ROR1: variants seen among roughly 807,000 people sequenced by gnomAD.
The protein encoded by ROR1 is ROR family WNT receptor 1.
In ROR1, 19 loss-of-function variants were observed where a neutral mutation model predicts 78.8. That is an observed-to-expected ratio of 0.24 (90% CI 0.17 to 0.35). The LOEUF (loss-of-function observed/expected upper bound fraction) is 0.35, where lower values mean the gene tolerates loss of function less well. Ranked by LOEUF, ROR1 falls within the 10% of genes least tolerant of loss-of-function variation. The pLI is 1.00. For missense variants in ROR1, 917 were observed against 1,177.8 expected (o/e 0.78, Z 3.24); for synonymous variants, 386 against 433.6 (o/e 0.89, Z 1.36).
At chr1:63,862,339 A>G (rs1164831826) in intron 1 of ROR1, among the ~76,000 whole-genome samples, 1 of 143,294 alleles carries the variant, frequency 7.0e-6, no homozygotes, top group East Asian at 2.1e-4. Flanking sequence ...GGTTGCAGTG[A>G]GCCAAGATCA....
intron 2 of ROR1, among the ~76,000 whole-genome samples, chr1:64,015,426 C>G (rs1646512775): frequency 1.3e-5 from 2 of 152,190 alleles, no homozygotes; most frequent in South Asian, 4.1e-4. Context: ...CCTGCCTCTT[C>G]CCTCGAAGCT....
rs776679005 is a variant in ROR1, at chr1:64,180,945, T to G, written c.*2090T>G. On this transcript the variant is annotated 3_prime_UTR_variant, in exon 9 of 9. Transcript: ENST00000371079. Reference sequence around the variant, plus strand: ...AAACATTTTATAATAACTGAAAACATTAAAGTGAGCAAATGAAATTTCAAA... The same window carrying G: ...AAACATTTTATAATAACTGAAAACAGTAAAGTGAGCAAATGAAATTTCAAA... 6.6e-6 allele frequency: 1 copy of G among 152,242 alleles called. No homozygotes were observed. Among genetic ancestry groups the G allele is most frequent in the Non-Finnish European group, 1.5e-5 (1 of 67,946 alleles). 9.4% of individuals were successfully genotyped at this position (152,242 alleles called of 1,614,324 possible). A position where few individuals can be genotyped will look rare whatever the true frequency, so the allele number is the denominator to read the frequency against.
At position 63,796,424 on chromosome 1, in the gene ROR1, G is replaced by A. The variant is rs570467341; in HGVS notation, c.91+21916G>A. Among the ~76,000 whole-genome samples, 5 of 152,194 alleles carry A rather than the reference G, an allele frequency of 3.3e-5. No individual in the cohort carries two copies. In the East Asian group the frequency reaches 9.6e-4, roughly 29 times the overall value. On this transcript the variant is annotated intron_variant, in intron 1 of 8. Coordinates refer to ENST00000371079, the MANE Select transcript of ROR1 (RefSeq NM_005012.4). ...CCTCTCCAGAACTACTGGATCAGAA[G>A]CTGCATTTTAACATGATCCCAGGTG...
At chr1:64,026,690 G>A (rs533792751) in intron 2 of ROR1, among the ~76,000 whole-genome samples, 6 of 152,280 alleles carry the variant, frequency 3.9e-5, no homozygotes, top group African/African-American at 1.4e-4. Context: ...GGGGAAGCAG[G>A]CATGTCTTAC....
chr1:63,920,832 G>A (rs1287857398), intron 1 of ROR1, among the ~76,000 whole-genome samples: 1 of 152,162 alleles, frequency 6.6e-6, no homozygotes, highest in Non-Finnish European at 1.5e-5. Context: ...AAGGTGGCCC[G>A]TGTTACACAT....
intron 2 of ROR1, among the ~76,000 whole-genome samples, chr1:64,019,621 A>G (rs1326839828): frequency 1.3e-5 from 2 of 152,218 alleles, no homozygotes; most frequent in Admixed American, 6.5e-5. Context: ...ATGAAATAAT[A>G]CCAATTATTA....
Position 63,979,474 on chromosome 1 carries a change from G to A in ROR1, c.92-29831G>A, listed in dbSNP as rs1377080660. 2.0e-5 allele frequency among the ~76,000 whole-genome samples: 3 copies of A among 152,280 alleles called. No homozygotes were observed. The East Asian group carries it at 5.8e-4, about 29-fold the overall frequency. On this transcript the variant is annotated intron_variant, in intron 1 of 8. Transcript: ENST00000371079. ...AGTGAGACTGGAGCCATAGAAGAGG[G>A]CCATCCTGCCAGAAGCTGTGGCCAT...
intron 2 of ROR1, 75 bp downstream of exon 2, chr1:64,009,451 T>C: frequency 8.9e-7 from 1 of 1,126,018 alleles, no homozygotes; most frequent in Non-Finnish European, 1.4e-6. Flanking sequence ...TGACCTTCTT[T>C]GAAATCAACT....
Position 63,868,996 on chromosome 1 carries a change from C to T in ROR1, c.91+94488C>T, listed in dbSNP as rs545411482. On this transcript the variant is annotated intron_variant, in intron 1 of 8. Transcript: ENST00000371079. ...AACAGTTGTGTATTTCTTTCTTCTG[C>T]TTTCTTTTGTTGTCCCCCACAACCT... Among the ~76,000 whole-genome samples, 7 of 152,308 alleles carry T rather than the reference C, an allele frequency of 4.6e-5. No individual in the cohort carries two copies. In the South Asian group the frequency reaches 8.3e-4, roughly 18 times the overall value.
At chr1:63,909,878 A>G (rs938934639) in intron 1 of ROR1, among the ~76,000 whole-genome samples, 2 of 152,116 alleles carry the variant, frequency 1.3e-5, no homozygotes, top group African/African-American at 4.8e-5. Flanking sequence ...CAATCTTTTG[A>G]GTTGTTTGGC....
rs112478519 is a variant in ROR1 at position 63,878,430 on chromosome 1, C to A, written c.91+103922C>A. Among the ~76,000 whole-genome samples, 1,190 of 152,222 alleles carry A rather than the reference C, an allele frequency of 7.8e-3. 16 individuals carry two copies. Among genetic ancestry groups the A allele is most frequent in the African/African-American group, 0.027 (1,130 of 41,534 alleles). On this transcript the variant is annotated intron_variant, in intron 1 of 8. Transcript: ENST00000371079. ...AAGACCTGCAACTTGCAGCAGTCTC[C>A]TGACGGTCTCTGTACATTTTCTCTG... is the stretch of plus-strand genomic sequence containing the variant.
At chr1:63,914,429 T>A (rs1645594191) in intron 1 of ROR1, among the ~76,000 whole-genome samples, 1 of 152,154 alleles carries the variant, frequency 6.6e-6, no homozygotes, top group Non-Finnish European at 1.5e-5. Context: ...AGTAGCATGC[T>A]GCAGGGTGCT....
intron 4 of ROR1, chr1:64,110,688 C>T (rs1468169888): frequency 3.3e-5 from 5 of 152,066 alleles, no homozygotes; most frequent in Admixed American, 6.6e-5. Context: ...TGGTCTTCCT[C>T]ATTTTACCAG....
chr1:63,969,724 T>C (rs1474816401), intron 1 of ROR1, among the ~76,000 whole-genome samples: 1 of 151,906 alleles, frequency 6.6e-6, no homozygotes, highest in Non-Finnish European at 1.5e-5. Context: ...CCCGTGTTGA[T>C]CTCATTCATT....
intron 1 of ROR1, among the ~76,000 whole-genome samples, chr1:63,904,321 G>T (rs1645511978): frequency 6.6e-6 from 1 of 152,170 alleles, no homozygotes; most frequent in Non-Finnish European, 1.5e-5. Flanking sequence ...CAAGGATCTT[G>T]CTCAAGGTCT....
At chr1:64,094,600 TTTTG>T in intron 4 of ROR1, 1 of 116,926 alleles carries the variant, frequency 8.6e-6, no homozygotes, top group East Asian at 2.5e-4. Context: ...TTTTGTTTTG[TTTTG>T]TTTGAGACAG....
At chr1:64,092,678 A>C (rs1367219288) in intron 4 of ROR1, among the ~76,000 whole-genome samples, 6 of 152,222 alleles carry the variant, frequency 3.9e-5, no homozygotes, top group African/African-American at 1.4e-4. Context: ...AAAAAGTTTG[A>C]AAACTACCAG....
At chr1:64,130,564 G>A (rs1324298461) in intron 4 of ROR1, among the ~76,000 whole-genome samples, 7 of 152,232 alleles carry the variant, frequency 4.6e-5, no homozygotes, top group African/African-American at 1.7e-4. Context: ...TCATTTCAAG[G>A]TGTGTGCAGC....
chr1:64,034,301 A>G (rs755974141), intron 2 of ROR1, among the ~76,000 whole-genome samples: 2 of 151,818 alleles, frequency 1.3e-5, no homozygotes, highest in Non-Finnish European at 2.9e-5. Flanking sequence ...AATTACTGCC[A>G]CTTTGTTTGA....
Sources: allele counts gnomAD v4.1 joint callset (sites outside exome capture counted in the v4.1 genomes callset), GRCh38; gene constraint gnomAD v4.1.1; transcripts MANE v1.5; gene names NCBI Gene and HGNC (gene_info 2026-07-23, HGNC 2026-07-21).